RTL4: variants seen among roughly 807,000 people sequenced by gnomAD.
RTL4 encodes the protein retrotransposon Gag like 4.
In RTL4, 4 loss-of-function variants were observed where a neutral mutation model predicts 5.3. That is an observed-to-expected ratio of 0.75 (90% CI 0.37 to 1.72). The LOEUF (loss-of-function observed/expected upper bound fraction) is 1.72. Among genes scored for constraint, RTL4 ranks in the 40% most tolerant of loss-of-function variants. The pLI is 0.04. For synonymous variants in RTL4, 98 were observed against 87.3 expected, an observed-to-expected ratio of 1.12 and a Z score of -0.68; for missense variants, 260 against 227.1, an observed-to-expected ratio of 1.14 and a Z score of -0.93.
chrX:112,415,073 T>A, the RTL4 span, among the ~76,000 whole-genome samples: 1 of 111,511 alleles, frequency 9.0e-6, no homozygotes, highest in African/African-American at 3.3e-5. Flanking sequence ...TTTTAAAACT[T>A]TTTATTGAAA....
chrX:112,345,228 C>G, the RTL4 span, among the ~76,000 whole-genome samples: 1 of 111,270 alleles, frequency 9.0e-6, no homozygotes, highest in Non-Finnish European at 1.9e-5. Flanking sequence ...CGTGAGTGCT[C>G]TTGCTCTCAA....
chrX:112,343,980 T>A, the RTL4 span, among the ~76,000 whole-genome samples: 1 of 111,918 alleles, frequency 8.9e-6, no homozygotes, highest in Non-Finnish European at 1.9e-5. Flanking sequence ...TAATGAGTGT[T>A]TTTTCTGTCT....
At chrX:112,356,321 A>G in the RTL4 span, among the ~76,000 whole-genome samples, 3 of 111,418 alleles carry the variant, frequency 2.7e-5, no homozygotes, top group Non-Finnish European at 5.7e-5. Context: ...CTGCTTTTGA[A>G]TGTATTTCGT....
At chrX:112,124,782 G>A in the RTL4 span, among the ~76,000 whole-genome samples, 2 of 110,714 alleles carry the variant, frequency 1.8e-5, no homozygotes, top group Non-Finnish European at 3.8e-5. Flanking sequence ...TTCTGCGCAC[G>A]TATCCTGGAA....
At chrX:112,225,631 A>G in the RTL4 span, among the ~76,000 whole-genome samples, 47 of 111,907 alleles carry the variant, frequency 4.2e-4, no homozygotes, top group East Asian at 0.013. Context: ...CAACAGAATG[A>G]TGAGTGGAGG....
the RTL4 span, among the ~76,000 whole-genome samples, chrX:112,140,699 T>G: frequency 8.9e-6 from 1 of 111,831 alleles, no homozygotes; most frequent in South Asian, 3.8e-4. Flanking sequence ...GCTTCACCTC[T>G]TAATACTATC....
At chrX:112,083,969 T>TGCCTTTCTCAG in the RTL4 span, among the ~76,000 whole-genome samples, 1 of 110,939 alleles carries the variant, frequency 9.0e-6, no homozygotes, top group African/African-American at 3.3e-5. Context: ...AAGGGGCATG[T>TGCCTTTCTCAG]GAGTCTCTGC....
the RTL4 span, among the ~76,000 whole-genome samples, chrX:112,302,218 G>A: frequency 2.3e-4 from 21 of 89,778 alleles, 1 homozygote; most frequent in South Asian, 8.5e-3. Flanking sequence ...TGGAGATCAC[G>A]CCACTGCACT....
At chrX:112,311,052 G>A in the RTL4 span, among the ~76,000 whole-genome samples, 4 of 107,039 alleles carry the variant, frequency 3.7e-5, no homozygotes, top group East Asian at 1.2e-3. Context: ...AGCACTACTA[G>A]GCCTGTGTAA....
the RTL4 span, among the ~76,000 whole-genome samples, chrX:112,157,955 G>A: frequency 9.0e-6 from 1 of 111,121 alleles, no homozygotes; most frequent in Non-Finnish European, 1.9e-5. Context: ...TAGCCTGTTC[G>A]CTCTGGATCT....
At chrX:112,386,979 A>G in the RTL4 span, among the ~76,000 whole-genome samples, 3 of 111,181 alleles carry the variant, frequency 2.7e-5, no homozygotes, top group African/African-American at 9.8e-5. Context: ...CCAGCAGTGT[A>G]TAAGTGTTCC....
At chrX:112,226,483 A>G in the RTL4 span, among the ~76,000 whole-genome samples, 1 of 111,856 alleles carries the variant, frequency 8.9e-6, no homozygotes, top group Admixed American at 9.5e-5. Context: ...GCAGAAAAAC[A>G]CTGGGATATA....
chrX:112,264,908 T>C, the RTL4 span, among the ~76,000 whole-genome samples: 1 of 112,894 alleles, frequency 8.9e-6, no homozygotes, highest in African/African-American at 3.2e-5. Flanking sequence ...GTGGTACCCT[T>C]GTTGTGTTCC....
chrX:112,165,845 T>G, the RTL4 span, among the ~76,000 whole-genome samples: 71 of 112,193 alleles, frequency 6.3e-4, no homozygotes, highest in Non-Finnish European at 1.1e-3. Context: ...TTCTAAGGTT[T>G]ATTTCCTGTC....
the RTL4 span, among the ~76,000 whole-genome samples, chrX:112,190,662 T>G: frequency 8.9e-6 from 1 of 112,196 alleles, no homozygotes; most frequent in Non-Finnish European, 1.9e-5. Flanking sequence ...TTCTACTAAT[T>G]TTTTTGTCTG....
At chrX:112,105,173 T>C in the RTL4 span, among the ~76,000 whole-genome samples, 1 of 111,892 alleles carries the variant, frequency 8.9e-6, no homozygotes, top group African/African-American at 3.2e-5. Context: ...GTATGCTTGG[T>C]AGTTTTGTCC....
At chrX:112,453,675 C>A (rs371155009), upstream of RTL4, among the ~76,000 whole-genome samples, 7 of 112,135 alleles carry the variant, frequency 6.2e-5, no homozygotes, top group African/African-American at 2.3e-4. Flanking sequence ...TATTCCAATT[C>A]AAACTAAGTG....
At chrX:112,144,595 A>G in the RTL4 span, among the ~76,000 whole-genome samples, 1 of 111,571 alleles carries the variant, frequency 9.0e-6, no homozygotes, top group Middle Eastern at 4.2e-3. Flanking sequence ...CATTGGAATC[A>G]CCTAGGAAGC....
upstream of RTL4, among the ~76,000 whole-genome samples, chrX:112,452,195 A>C (rs1390917386): frequency 9.8e-6 from 1 of 102,524 alleles, no homozygotes; most frequent in Non-Finnish European, 2.0e-5. Context: ...GGTTCAAGCG[A>C]TTCTCCTGCC....
Sources: allele counts gnomAD v4.1 joint callset (sites outside exome capture counted in the v4.1 genomes callset), GRCh38; gene constraint gnomAD v4.1.1; transcripts MANE v1.5; gene names NCBI Gene and HGNC (gene_info 2026-07-23, HGNC 2026-07-21).